The following HEPHL1 variants were observed in gnomAD, a reference collection of about 807,000 sequenced individuals.
The protein encoded by HEPHL1 is hephaestin like 1, also known as ferroxidase HEPHL1.
HEPHL1 carries 123 observed loss-of-function variants against 122.0 expected under a neutral mutation model. The ratio of observed to expected loss-of-function variants is 1.01; its 90% confidence interval spans 0.87 to 1.17. The LOEUF (loss-of-function observed/expected upper bound fraction) is 1.17, where lower values mean the gene tolerates loss of function less well. HEPHL1 is among the 50% of genes most tolerant of loss of function. HEPHL1 has a pLI of 0.00. For synonymous variants in HEPHL1, 527 were observed against 508.9 expected (o/e 1.04, Z -0.48); for missense variants, 1,452 against 1,430.5 (o/e 1.01, Z -0.24).
chr11:94,029,569 T>C (rs1229405465), intron 1 of HEPHL1, among the ~76,000 whole-genome samples: 1 of 152,236 alleles, frequency 6.6e-6, no homozygotes, highest in Non-Finnish European at 1.5e-5. Context: ...TCTGATTCCA[T>C]TGCCCTGAAG....
At chr11:94,092,760 T>C (rs1227928677) in intron 12 of HEPHL1, among the ~76,000 whole-genome samples, 1 of 152,080 alleles carries the variant, frequency 6.6e-6, no homozygotes, top group Non-Finnish European at 1.5e-5. Context: ...CAATATATAT[T>C]AAATAAAGTG....
chr11:94,067,240 C>T (rs1946041813), intron 4 of HEPHL1, among the ~76,000 whole-genome samples: 4 of 152,194 alleles, frequency 2.6e-5, no homozygotes, highest in Non-Finnish European at 5.9e-5. Flanking sequence ...GTTCCCACAG[C>T]AGCTCCGAGG....
intron 11 of HEPHL1, among the ~76,000 whole-genome samples, chr11:94,088,549 G>T (rs1344841270): frequency 6.6e-6 from 1 of 152,092 alleles, no homozygotes; most frequent in Non-Finnish European, 1.5e-5. Flanking sequence ...ATGAATTTTG[G>T]ACAGTATCTT....
intron 13 of HEPHL1, among the ~76,000 whole-genome samples, chr11:94,094,188 C>G (rs1946289670): frequency 1.3e-5 from 2 of 151,480 alleles, no homozygotes; most frequent in East Asian, 1.9e-4. Context: ...GTGATGTTCC[C>G]CTTCCTGTGT....
chr11:94,102,230 T>C (rs997464873), intron 14 of HEPHL1, among the ~76,000 whole-genome samples: 4 of 152,224 alleles, frequency 2.6e-5, no homozygotes, highest in Non-Finnish European at 4.4e-5. Flanking sequence ...CATTATCCTG[T>C]GTATTTAATG....
chr11:94,064,084 A>G (rs567110852), intron 3 of HEPHL1, among the ~76,000 whole-genome samples: 4 of 152,354 alleles, frequency 2.6e-5, no homozygotes, highest in African/African-American at 9.6e-5. Flanking sequence ...TAGTTTGTCA[A>G]TAAAATGGAC....
chr11:94,046,673 C>A (rs1173864238), intron 2 of HEPHL1, among the ~76,000 whole-genome samples: 1 of 151,680 alleles, frequency 6.6e-6, no homozygotes, highest in Non-Finnish European at 1.5e-5. Flanking sequence ...CTTTGTGAAG[C>A]AGCCCTGTCT....
At chr11:94,078,900 G>T (rs1440701728) in intron 9 of HEPHL1, among the ~76,000 whole-genome samples, 2 of 152,062 alleles carry the variant, frequency 1.3e-5, no homozygotes, top group African/African-American at 4.8e-5. Context: ...GCAAAAATCT[G>T]GGCACACTGT....
chr11:94,036,928 G>A (rs1206659952), intron 1 of HEPHL1, among the ~76,000 whole-genome samples: 5 of 151,622 alleles, frequency 3.3e-5, no homozygotes, highest in Non-Finnish European at 5.9e-5. Context: ...CACAGAAGAC[G>A]GGTGATTTCT....
intron 8 of HEPHL1, among the ~76,000 whole-genome samples, chr11:94,073,981 T>C (rs1040809948): frequency 3.3e-5 from 5 of 152,176 alleles, no homozygotes; most frequent in African/African-American, 1.2e-4. Context: ...TCTCTAAATG[T>C]AAGAAAGGTA....
intron 1 of HEPHL1, among the ~76,000 whole-genome samples, chr11:94,034,299 T>C (rs544236478): frequency 5.9e-5 from 9 of 152,294 alleles, no homozygotes; most frequent in Non-Finnish European, 1.2e-4. Flanking sequence ...TCCAGGCTGC[T>C]CAATATGTTG....
Position 94,104,685 on chromosome 11 carries a change from A to T in HEPHL1, c.2840A>T (p.Tyr947Phe). 1 of 1,613,950 alleles carries T rather than the reference A, an allele frequency of 6.2e-7. No homozygotes were observed. Among genetic ancestry groups the T allele is most frequent in the Non-Finnish European group, 8.5e-7 (1 of 1,179,818 alleles). Residue 947 changes from tyrosine (Y) to phenylalanine (F), a missense_variant, in exon 16 of 20, where the codon TAT (tyrosine) becomes TTT (phenylalanine). Transcript: ENST00000315765. The part of the protein sequence containing the change: ...SWYLDDNIKK[Y>F]LNKDPRDFKR... ...TATCTGGATGACAATATTAAGAAGT[A>T]TCTCAACAAAGATCCACGAGATTTT... is the stretch of plus-strand genomic sequence containing the variant.
chr11:94,104,566 C>G lies in HEPHL1; in HGVS notation c.2721C>G (p.Cys907Trp), dbSNP rs1405110442. 1 of 1,613,570 alleles carries G rather than the reference C, an allele frequency of 6.2e-7. No individual in the cohort carries two copies. The highest frequency in any genetic ancestry group is 1.3e-5 in the African/African-American group (1 of 74,854). The change falls in exon 16 of 20, where the codon TGC (cysteine) becomes TGG (tryptophan). Residue 907 changes from cysteine (C) to tryptophan (W), a missense_variant. Coordinates refer to ENST00000315765, the MANE Select transcript of HEPHL1 (RefSeq NM_001098672.2). ...YSGLMGPLIT[C>W]RKGVLNEKGR... ...GTTTGATGGGTCCTCTGATTACATG[C>G]CGAAAAGGAGTCTTGAATGAAAAGG...
chr11:94,095,881 C>G (rs1434793207), intron 13 of HEPHL1, among the ~76,000 whole-genome samples: 6 of 152,154 alleles, frequency 3.9e-5, no homozygotes, highest in Admixed American at 1.3e-4. Context: ...TATCCTGAGA[C>G]TTTGCTGAAG....
At chr11:94,072,955 A>G (rs1946088632) in intron 6 of HEPHL1, 70 bp from the exon 7 acceptor site, 1 of 1,399,966 alleles carries the variant, frequency 7.1e-7, no homozygotes, top group Non-Finnish European at 1.0e-6. Flanking sequence ...GATAGAATGA[A>G]GTTCTATAAT....
At chr11:94,039,229 G>T (rs11020636) in intron 1 of HEPHL1, among the ~76,000 whole-genome samples, 39,859 of 131,542 alleles carry the variant, frequency 0.3, 6,727 homozygotes, top group South Asian at 0.4. Flanking sequence ...AGCAAGTCCT[G>T]AGTGACCTAC....
At chr11:94,068,187 T>G (rs1663828719) in intron 5 of HEPHL1, among the ~76,000 whole-genome samples, 1 of 152,166 alleles carries the variant, frequency 6.6e-6, no homozygotes, top group Admixed American at 6.5e-5. Flanking sequence ...AAAGAAAGAC[T>G]TTTGAGGAAG....
chr11:94,092,860 A>G (rs1267235018), intron 12 of HEPHL1, among the ~76,000 whole-genome samples: 1 of 152,196 alleles, frequency 6.6e-6, no homozygotes, highest in East Asian at 1.9e-4. Flanking sequence ...ACCTAACCCT[A>G]TATTTTCCCT....
intron 2 of HEPHL1, among the ~76,000 whole-genome samples, chr11:94,056,632 TC>T (rs1253071234): frequency 1.2e-5 from 1 of 84,842 alleles, no homozygotes; most frequent in African/African-American, 3.9e-5. Flanking sequence ...CTCCATTCTC[TC>T]CCCCTCCTTT....
Sources: gnomAD v4.1 joint callset for allele counts (sites outside exome capture counted in the v4.1 genomes callset) on GRCh38, gnomAD v4.1.1 for gene constraint, MANE v1.5 for transcripts, NCBI Gene and HGNC (gene_info 2026-07-23, HGNC 2026-07-21) for gene names.